SEC11A: variants seen among roughly 807,000 people sequenced by gnomAD.
SEC11A encodes SEC11 homolog A, signal peptidase complex subunit.
Under a neutral mutation model 25.6 loss-of-function variants are expected in SEC11A, and 14 were observed. That is an observed-to-expected ratio of 0.55 (90% CI 0.36 to 0.85). The LOEUF is 0.85. SEC11A is among the 40% of genes least tolerant of loss of function. SEC11A has a pLI of 0.01. For synonymous variants in SEC11A, 83 were observed against 76.4 expected, an observed-to-expected ratio of 1.09 and a Z score of -0.45; for missense variants, 153 against 222.9, an observed-to-expected ratio of 0.69 and a Z score of 2.00.
At chr15:84,671,713 G>C (rs1278200392) in intron 4 of SEC11A, 1 of 152,186 alleles carries the variant, frequency 6.6e-6, no homozygotes, top group Non-Finnish European at 1.5e-5. Context: ...TGTTCCCCCT[G>C]TATCCTCAAG....
At chr15:84,691,390 C>T in intron 2 of SEC11A, 145 bp downstream of exon 2, 4 of 556,526 alleles carry the variant, frequency 7.2e-6, no homozygotes, top group Middle Eastern at 4.8e-4. Context: ...TTTCTTACAA[C>T]TGATAAGTAG....
At chr15:84,670,120 A>G (rs1268922841) in intron 5 of SEC11A, 51 bp from the exon 6 acceptor site, 1 of 1,563,890 alleles carries the variant, frequency 6.4e-7, no homozygotes, top group East Asian at 2.3e-5. Flanking sequence ...AAAAGTTCAG[A>G]GGTTCTAAGA....
At chr15:84,708,701 T>C (rs887363307) in intron 1 of SEC11A, among the ~76,000 whole-genome samples, 4 of 151,850 alleles carry the variant, frequency 2.6e-5, no homozygotes, top group African/African-American at 4.8e-5. Context: ...GGTGGGGGGA[T>C]AGCTTGGACC....
At chr15:84,703,048 G>C (rs1897994590) in intron 1 of SEC11A, among the ~76,000 whole-genome samples, 1 of 152,180 alleles carries the variant, frequency 6.6e-6, no homozygotes, top group South Asian at 2.1e-4. Flanking sequence ...GTAATGGATA[G>C]GGATGCTATA....
chr15:84,682,731 G>A (rs897666485), intron 3 of SEC11A, among the ~76,000 whole-genome samples: 1 of 152,118 alleles, frequency 6.6e-6, no homozygotes, highest in Non-Finnish European at 1.5e-5. Flanking sequence ...TTACAGGCGT[G>A]AGCCACCGTG....
intron 1 of SEC11A, among the ~76,000 whole-genome samples, chr15:84,703,246 T>C (rs1898000653): frequency 6.6e-6 from 1 of 152,160 alleles, no homozygotes; most frequent in Non-Finnish European, 1.5e-5. Flanking sequence ...CTCCCTGACA[T>C]GCACCGGATG....
intron 3 of SEC11A, among the ~76,000 whole-genome samples, chr15:84,683,561 A>ATT (rs34537315): frequency 6.8e-6 from 1 of 146,552 alleles, no homozygotes; most frequent in Admixed American, 6.8e-5. Context: ...TATTAGACCT[A>ATT]TTTTTTTTTT....
intron 4 of SEC11A, 130 bp downstream of exon 4, chr15:84,680,583 G>T: frequency 1.0e-6 from 1 of 963,362 alleles, no homozygotes; most frequent in Non-Finnish European, 1.4e-6. Context: ...AATTTTCAAA[G>T]GACACAAGGG....
chr15:84,687,563 T>G lies in SEC11A; in HGVS notation c.311+62A>C, dbSNP rs1359824150. The G allele has an allele frequency of 2.1e-6, 3 of 1,401,258 alleles. No homozygotes were observed. In the East Asian group the frequency reaches 7.9e-5, roughly 37 times the overall value. The allele number at this position is 1,401,258 out of a possible 1,614,324, so 86.8% of individuals were successfully genotyped here. ...TTTACAATCTTTAGGCTATCAAAAC[T>G]AAATACCACAAACACTTAAACAAAA... On this transcript the variant is annotated intron_variant, in intron 3 of 5. Coordinates refer to ENST00000268220, the MANE Select transcript of SEC11A (RefSeq NM_014300.4).
Position 84,699,330 on chromosome 15 carries a change from A to C in SEC11A, c.52-7686T>G, listed in dbSNP as rs561575299. 5.4e-3 allele frequency among the ~76,000 whole-genome samples: 827 copies of C among 151,872 alleles called. 5 individuals carry two copies. The highest frequency in any genetic ancestry group is 0.018 in the African/African-American group (764 of 41,410). On this transcript the variant is annotated intron_variant, in intron 1 of 5. Transcript: ENST00000268220. ...ACTCTTGTCTCCAAAAAAAAAAAAA[A>C]AAAAACCAGGAAACAAAAAAAACAA...
intron 4 of SEC11A, chr15:84,679,402 T>C (rs1329067801): frequency 8.0e-6 from 3 of 376,920 alleles, no homozygotes; most frequent in Non-Finnish European, 1.7e-5. Context: ...AGCACAATGA[T>C]ACCTGTTCTG....
chr15:84,679,388 G>A (rs1897226019), intron 4 of SEC11A: 2 of 406,204 alleles, frequency 4.9e-6, no homozygotes, highest in Non-Finnish European at 9.9e-6. Flanking sequence ...TCTGCAGCAG[G>A]CAAAGCACAA....
intron 1 of SEC11A, among the ~76,000 whole-genome samples, chr15:84,702,385 C>T (rs1401617231): frequency 2.7e-5 from 4 of 150,834 alleles, no homozygotes; most frequent in Admixed American, 1.3e-4. Context: ...CACTTGAACC[C>T]GGGAGGCTCA....
At chr15:84,685,741 GA>G (rs1897401208) in intron 3 of SEC11A, 1 of 149,756 alleles carries the variant, frequency 6.7e-6, no homozygotes, top group Admixed American at 6.7e-5. Context: ...TCCACTTTCA[GA>G]ATCTGGAAAA....
intron 5 of SEC11A, 189 bp from the exon 6 acceptor site, chr15:84,670,258 C>A: frequency 5.8e-5 from 17 of 290,732 alleles, no homozygotes; most frequent in Non-Finnish European, 1.0e-4. Flanking sequence ...AAATAATTTT[C>A]TTTTTTTTTT....
At chr15:84,683,293 G>A (rs1294962624) in intron 3 of SEC11A, among the ~76,000 whole-genome samples, 1 of 152,082 alleles carries the variant, frequency 6.6e-6, no homozygotes, top group Non-Finnish European at 1.5e-5. Flanking sequence ...CAGATATGAG[G>A]AGATAAAAAT....
At chr15:84,714,887 T>C (rs1038920787) in intron 1 of SEC11A, 3 of 152,198 alleles carry the variant, frequency 2.0e-5, no homozygotes, top group African/African-American at 7.2e-5. Flanking sequence ...GTACAATAAA[T>C]ATCAGACTCA....
chr15:84,684,047 T>C (rs1897350423), intron 3 of SEC11A, among the ~76,000 whole-genome samples: 1 of 151,954 alleles, frequency 6.6e-6, no homozygotes, highest in Non-Finnish European at 1.5e-5. Flanking sequence ...GAGAAAAAAA[T>C]AAGACCCCAA....
chr15:84,711,929 C>T (rs1898283388), intron 1 of SEC11A, among the ~76,000 whole-genome samples: 2 of 152,078 alleles, frequency 1.3e-5, no homozygotes, highest in Admixed American at 6.6e-5. Context: ...ACAAGCAGCA[C>T]TGTTAAAAAT....
Sources: gnomAD v4.1 joint callset for allele counts (sites outside exome capture counted in the v4.1 genomes callset) on GRCh38, gnomAD v4.1.1 for gene constraint, MANE v1.5 for transcripts, NCBI Gene and HGNC (gene_info 2026-07-23, HGNC 2026-07-21) for gene names.